Variants in CALY observed in about 807,000 individuals in gnomAD.
CALY encodes neuron-specific vesicular protein calcyon.
A neutral mutation model predicts 20.2 loss-of-function variants in CALY; 15 were observed. That is an observed-to-expected ratio of 0.74 (90% CI 0.50 to 1.14). The LOEUF (loss-of-function observed/expected upper bound fraction) is 1.14, where lower values mean the gene tolerates loss of function less well. CALY is among the 50% of genes most tolerant of loss of function. The probability of loss-of-function intolerance (pLI) is 0.00; values close to 1 mark genes in which losing one functional copy is unlikely to be tolerated. For missense variants in CALY, 270 were observed against 304.4 expected, an observed-to-expected ratio of 0.89 and a Z score of 0.84; for synonymous variants, 129 against 131.8, an observed-to-expected ratio of 0.98 and a Z score of 0.15.
intron 2 of CALY, 136 bp from the exon 3 acceptor site, chr10:133,328,151 G>A: frequency 1.6e-6 from 1 of 644,648 alleles, no homozygotes; most frequent in South Asian, 1.8e-5. Flanking sequence ...GGACTGTCTG[G>A]TGGATGGCAG....
At chr10:133,326,288 G>C in intron 4 of CALY, 168 bp from the exon 5 acceptor site, 1 of 1,550,072 alleles carries the variant, frequency 6.5e-7, no homozygotes, top group African/African-American at 1.4e-5. Flanking sequence ...GCCCTGGAGG[G>C]GCATGGAGCA....
At position 133,324,563 on chromosome 10, in the gene CALY, G is replaced by A. The variant is rs1369169910; in HGVS notation, c.*1032C>T. On this transcript the variant is annotated 3_prime_UTR_variant, in exon 6 of 6. Transcript: ENST00000252939. ...GGGCGGGGCTGCAGTGCTGCAATTG[G>A]CTGGGGTGGGCGGGGCTGCAGAGCT... 3.8e-6 allele frequency: 1 copy of A among 260,956 alleles called. No homozygotes were observed. Among genetic ancestry groups the A allele is most frequent in the African/African-American group, 3.0e-5 (1 of 33,158 alleles). 16.2% of individuals were successfully genotyped at this position (260,956 alleles called of 1,614,324 possible).
chr10:133,330,026 G>T (rs1016757801), intron 1 of CALY, among the ~76,000 whole-genome samples: 1 of 152,230 alleles, frequency 6.6e-6, no homozygotes, highest in South Asian at 2.1e-4. Context: ...GGGAGAGGGC[G>T]GGCCCCACTA....
intron 1 of CALY, among the ~76,000 whole-genome samples, chr10:133,335,447 C>T (rs1160430176): frequency 6.6e-6 from 1 of 152,216 alleles, no homozygotes; most frequent in Non-Finnish European, 1.5e-5. Flanking sequence ...TCCAACTCCT[C>T]GGACGGCCAA....
chr10:133,330,683 C>T (rs1294238187), intron 1 of CALY, among the ~76,000 whole-genome samples: 1 of 117,598 alleles, frequency 8.5e-6, no homozygotes, highest in East Asian at 2.6e-4. Flanking sequence ...AGGAATCTGT[C>T]ATTACAACCT....
intron 1 of CALY, among the ~76,000 whole-genome samples, chr10:133,329,759 G>GCTCC (rs1024937953): frequency 6.6e-6 from 1 of 152,186 alleles, no homozygotes; most frequent in Non-Finnish European, 1.5e-5. Flanking sequence ...TGGAGACCCA[G>GCTCC]CTAAATTTGA....
chr10:133,331,234 ATCTGCGGT>A (rs1245118264), intron 1 of CALY, among the ~76,000 whole-genome samples: 8 of 152,196 alleles, frequency 5.3e-5, no homozygotes, highest in Non-Finnish European at 8.8e-5. Flanking sequence ...AAGTGCCTCG[ATCTGCGGT>A]TCTACAAGTT....
At chr10:133,334,895 G>C (rs1363848676) in intron 1 of CALY, among the ~76,000 whole-genome samples, 1 of 152,128 alleles carries the variant, frequency 6.6e-6, no homozygotes. Context: ...GGAAGAGGCC[G>C]TGCGGTGTCC....
Position 133,326,998 on chromosome 10 carries a change from G to A in CALY, c.247-7C>T. The stretch of plus-strand genomic sequence containing the variant: ...TCATCCGTGCGGTGGGCAGCTGGCA[G>A]GAGGGCAGAGAGGGGCTCAGCCACG... On this transcript the variant is annotated splice_region_variant and splice_polypyrimidine_tract_variant and intron_variant, in intron 3 of 5. Coordinates refer to ENST00000252939, the MANE Select transcript of CALY (RefSeq NM_015722.4). 6.3e-7 allele frequency: 1 copy of A among 1,595,836 alleles called. No individual in the cohort carries two copies. Among genetic ancestry groups the A allele is most frequent in the African/African-American group, 1.3e-5 (1 of 74,920 alleles).
chr10:133,325,854 C>T lies in CALY; in HGVS notation c.627G>A (p.Gly209=), dbSNP rs12761321. The change falls in exon 5 of 6, where the codon GGG becomes GGA. Residue 209 remains glycine (G), a synonymous_variant. Coordinates refer to ENST00000252939, the MANE Select transcript of CALY (RefSeq NM_015722.4). ...AEKEAARKAA[G]SAAPPPAQ is the part of the protein sequence containing the mutation. ...ACTGCGCGGGCGGGGGCGCCGCGCT[C>T]CCGGCCGCCTTCCGCGCCGCCTCCT... 1.1e-5 allele frequency: 13 copies of T among 1,236,884 alleles called. No individual in the cohort carries two copies. The highest frequency in any genetic ancestry group is 1.3e-5 in the Non-Finnish European group (13 of 991,752). The allele number at this position is 1,236,884 out of a possible 1,614,324, so 76.6% of individuals were successfully genotyped here. A position where few individuals can be genotyped will look rare whatever the true frequency, so the allele number is the denominator to read the frequency against.
intron 3 of CALY, chr10:133,327,322 C>T (rs1848230755): frequency 4.0e-6 from 2 of 495,504 alleles, no homozygotes; most frequent in South Asian, 2.7e-5. Context: ...GGGCCGCAGC[C>T]TCAGGGGAGT....
At chr10:133,327,079 C>A (rs1219918163) in intron 3 of CALY, 88 bp from the exon 4 acceptor site, 6 of 874,244 alleles carry the variant, frequency 6.9e-6, no homozygotes, top group Non-Finnish European at 1.1e-5. Flanking sequence ...GGCACAGGAC[C>A]ATCCCCGCCC....
intron 1 of CALY, among the ~76,000 whole-genome samples, chr10:133,329,594 C>T (rs1284639982): frequency 6.6e-6 from 1 of 151,526 alleles, no homozygotes; most frequent in Non-Finnish European, 1.5e-5. Flanking sequence ...TCAGGTTGCC[C>T]AGGCTGGTCT....
chr10:133,327,935 C>T lies in CALY; in HGVS notation c.216G>A (p.Leu72=), dbSNP rs1482650955. 1.9e-6 allele frequency: 3 copies of T among 1,612,926 alleles called. No individual in the cohort carries two copies. In the African/African-American group the frequency reaches 4.0e-5, roughly 22 times the overall value. ...GCCCTTCCTCTGGGTGGCTGCAGTT[C>T]AGCCTCTGGCCCTCCAGGTCAGGGA... is the stretch of plus-strand genomic sequence containing the variant. The part of the protein sequence containing the change: ...QNFPDLEGQR[L]NCSHPEEGRR... Residue 72 remains leucine, a synonymous_variant, in exon 3 of 6, where the codon CTG becomes CTA. Coordinates refer to ENST00000252939, the MANE Select transcript of CALY (RefSeq NM_015722.4).
intron 1 of CALY, among the ~76,000 whole-genome samples, chr10:133,332,333 C>G (rs879944175): frequency 6.6e-6 from 1 of 152,144 alleles, no homozygotes; most frequent in African/African-American, 2.4e-5. Flanking sequence ...CTGATCCCTA[C>G]CTCACATTAC....
chr10:133,327,334 G>C (rs771207891), intron 3 of CALY: 62 of 494,086 alleles, frequency 1.3e-4, no homozygotes, highest in Non-Finnish European at 1.7e-4. Context: ...CAGGGGAGTC[G>C]GAGGCTGCAC....
rs1848165617 is a variant in CALY at position 133,324,161 on chromosome 10, C to T, written c.*1434G>A. The stretch of plus-strand genomic sequence containing the variant: ...CCCAGCTGACGCCCCAGGCCCCGGG[C>T]CCCCCTCCCTTGCAGGCCATCAGGG... On this transcript the variant is annotated 3_prime_UTR_variant, in exon 6 of 6. Coordinates refer to ENST00000252939, the MANE Select transcript of CALY (RefSeq NM_015722.4). 1.2e-5 allele frequency: 4 copies of T among 328,044 alleles called. No homozygotes were observed. The highest frequency in any genetic ancestry group is 9.1e-5 in the South Asian group (4 of 44,012). 20.3% of individuals were successfully genotyped at this position (328,044 alleles called of 1,614,324 possible).
chr10:133,329,736 C>T (rs1848272852), intron 1 of CALY, among the ~76,000 whole-genome samples: 1 of 152,186 alleles, frequency 6.6e-6, no homozygotes, highest in South Asian at 2.1e-4. Context: ...CCAGACTCAG[C>T]ACATAAAAAT....
chr10:133,330,948 A>C (rs1848296755), intron 1 of CALY, among the ~76,000 whole-genome samples: 2 of 152,200 alleles, frequency 1.3e-5, no homozygotes, highest in Admixed American at 1.3e-4. Context: ...AGCGAATACA[A>C]CAAGGTAACA....
Sources: allele counts gnomAD v4.1 joint callset (sites outside exome capture counted in the v4.1 genomes callset), GRCh38; gene constraint gnomAD v4.1.1; transcripts MANE v1.5; gene names NCBI Gene and HGNC (gene_info 2026-07-23, HGNC 2026-07-21).